The following BRCA2 variants were observed in gnomAD, a reference collection of about 807,000 sequenced individuals.
BRCA2 encodes the protein BRCA2 DNA repair associated, also known as breast cancer type 2 susceptibility protein.
In BRCA2, 203 loss-of-function variants were observed where a neutral mutation model predicts 276.7. That is an observed-to-expected ratio of 0.73 (90% CI 0.65 to 0.82). The LOEUF (loss-of-function observed/expected upper bound fraction) is 0.82, where lower values mean the gene tolerates loss of function less well. BRCA2 is among the 40% of genes least tolerant of loss of function. The probability of loss-of-function intolerance (pLI) is 0.00; values close to 1 mark genes in which losing one functional copy is unlikely to be tolerated. For synonymous variants in BRCA2, 1,289 were observed against 1,338.4 expected (o/e 0.96, Z 0.81); for missense variants, 3,920 against 3,915.0 (o/e 1.00, Z -0.03).
chr13:32,399,578 A>C lies in BRCA2; in HGVS notation c.*808A>C, dbSNP rs1345202503. The C allele has an allele frequency of 5.6e-6, 1 of 179,700 alleles. No homozygotes were observed. Among genetic ancestry groups the C allele is most frequent in the African/African-American group, 2.4e-5 (1 of 42,096 alleles). The allele number at this position is 179,700 out of a possible 1,614,324, so 11.1% of individuals were successfully genotyped here. A position where few individuals can be genotyped will look rare whatever the true frequency, so the allele number is the denominator to read the frequency against. On this transcript the variant is annotated 3_prime_UTR_variant, in exon 27 of 27. Coordinates refer to ENST00000380152, the MANE Select transcript of BRCA2 (RefSeq NM_000059.4). ...ACTAAAAATTCAAATACTTTAAATC[A>C]GAAGATTTCATAGTTAATTTATTTT...
At chr13:32,322,919 C>T (rs1370944951) in intron 3 of BRCA2, among the ~76,000 whole-genome samples, 2 of 152,184 alleles carry the variant, frequency 1.3e-5, no homozygotes, top group African/African-American at 2.4e-5. Context: ...ATTTTCAACT[C>T]ATTTTGGTTC....
intron 2 of BRCA2, among the ~76,000 whole-genome samples, chr13:32,318,351 G>C (rs557619359): frequency 6.6e-6 from 1 of 152,184 alleles, no homozygotes; most frequent in East Asian, 1.9e-4. Flanking sequence ...TTATGTGAGA[G>C]TCCACATGTT....
chr13:32,376,774 G>A lies in BRCA2; in HGVS notation c.8737G>A (p.Asp2913Asn), dbSNP rs144322424. 1 of 1,614,136 alleles carries A rather than the reference G, an allele frequency of 6.2e-7. No homozygotes were observed. The highest frequency in any genetic ancestry group is 1.6e-4 in the Middle Eastern group (1 of 6,062). Reference protein sequence around the residue: ...ELYEAVKNAADPAYLEGYFSE... With the variant: ...ELYEAVKNAANPAYLEGYFSE... Reference sequence around the variant, plus strand: ...TTATGAAGCAGTGAAGAATGCAGCAGACCCAGCTTACCTTGAGGTGAGAGA... The same window carrying A: ...TTATGAAGCAGTGAAGAATGCAGCAAACCCAGCTTACCTTGAGGTGAGAGA... The change falls in exon 21 of 27, where the codon GAC (aspartate) becomes AAC (asparagine). Residue 2913 changes from aspartate (D) to asparagine (N), a missense_variant. Asp to Asn is a conservative substitution (Grantham distance 23, BLOSUM62 1). Coordinates refer to ENST00000380152, the MANE Select transcript of BRCA2 (RefSeq NM_000059.4).
Position 32,344,614 on chromosome 13 carries a change from C to CAAGAAAAA in BRCA2, c.6899_6906dup (p.Ser2303LysfsTer5), listed in dbSNP as rs765231294. 6.3e-7 allele frequency: 1 copy of CAAGAAAAA among 1,583,556 alleles called. No individual in the cohort carries two copies. Among genetic ancestry groups the CAAGAAAAA allele is most frequent in the South Asian group, 1.1e-5 (1 of 90,362 alleles). ...TGAATTTGACAGGATAATAGAAAAT[C>CAAGAAAAA]AAGAAAAATCCTTAAAGGCTTCAAA... On this transcript the variant is annotated frameshift_variant, in exon 12 of 27. Transcript: ENST00000380152. LOFTEE classifies it high-confidence loss of function.
At chr13:32,318,994 T>C in intron 2 of BRCA2, 83 bp from the exon 3 acceptor site, 1 of 1,542,232 alleles carries the variant, frequency 6.5e-7, no homozygotes, top group African/African-American at 1.4e-5. Context: ...TAAGCATTTT[T>C]TTCCTTATGA....
Position 32,339,385 on chromosome 13 carries a change from G to A in BRCA2, c.5030G>A (p.Arg1677Lys), listed in dbSNP as rs375304428. Residue 1677 changes from arginine to lysine, a missense_variant, in exon 11 of 27, where the codon AGA becomes AAA. Coordinates refer to ENST00000380152, the MANE Select transcript of BRCA2 (RefSeq NM_000059.4). ...SALAFYTSCS[R>K]KTSVSQTSLL... ...TTAGCTTTTTACACAAGTTGTAGTA[G>A]AAAAACTTCTGTGAGTCAGACTTCA... 2 of 1,595,172 alleles carry A rather than the reference G, an allele frequency of 1.3e-6. No homozygotes were observed. The highest frequency in any genetic ancestry group is 1.7e-6 in the Non-Finnish European group (2 of 1,172,126).
chr13:32,373,297 G>T (rs1436275201), intron 20 of BRCA2, among the ~76,000 whole-genome samples: 1 of 151,742 alleles, frequency 6.6e-6, no homozygotes, highest in Non-Finnish European at 1.5e-5. Flanking sequence ...CACAAGGTCA[G>T]GAGTTGAAGA....
chr13:32,376,278 T>G (rs1351887045), intron 20 of BRCA2, among the ~76,000 whole-genome samples: 3 of 151,976 alleles, frequency 2.0e-5, no homozygotes, highest in Non-Finnish European at 2.9e-5. Flanking sequence ...ATCCCAACAG[T>G]TTGGGAGTCC....
intron 7 of BRCA2, among the ~76,000 whole-genome samples, chr13:32,329,199 C>G (rs543745319): frequency 1.3e-5 from 2 of 152,188 alleles, no homozygotes; most frequent in African/African-American, 4.8e-5. Context: ...GACAGTATTA[C>G]CATAAAGTAA....
At position 32,356,480 on chromosome 13, in the gene BRCA2, GAAGA is replaced by G; in HGVS notation, c.7491_7494del (p.Lys2497AsnfsTer26). ...GAGATATACAGGATATGCGAATTAA[GAAGA>G]AACAAAGGCAACGCGTCTTTCCACA... On this transcript the variant is annotated frameshift_variant, in exon 15 of 27. Transcript: ENST00000380152. LOFTEE classifies it high-confidence loss of function. 1 of 1,614,174 alleles carries G rather than the reference GAAGA, an allele frequency of 6.2e-7. No individual in the cohort carries two copies. Among genetic ancestry groups the G allele is most frequent in the South Asian group, 1.1e-5 (1 of 91,088 alleles).
At chr13:32,368,503 G>C (rs13378910) in intron 18 of BRCA2, among the ~76,000 whole-genome samples, 1 of 147,118 alleles carries the variant, frequency 6.8e-6, no homozygotes, top group African/African-American at 2.5e-5. Flanking sequence ...TTTCATTTTC[G>C]TTTTTTCTGC....
chr13:32,327,089 C>T lies in BRCA2; in HGVS notation c.631+476C>T, dbSNP rs187850309. 1.7e-3 allele frequency among the ~76,000 whole-genome samples: 266 copies of T among 152,318 alleles called. 2 individuals carry two copies. The highest frequency in any genetic ancestry group is 1.7e-3 in the Non-Finnish European group (119 of 68,028). On this transcript the variant is annotated intron_variant, in intron 7 of 26. Transcript: ENST00000380152. ...CTATGTGATAAACTGCAATATTTAT[C>T]CATTCATTAAACTGTAAACTCTTTG...
chr13:32,344,804 A>G lies in BRCA2; in HGVS notation c.6937+151A>G, dbSNP rs4942439. ...CAAGGACCTCTTTATACTCTTAAAA[A>G]TTACTGAGGACCTAAAAGAGCATTT... On this transcript the variant is annotated intron_variant, in intron 12 of 26. Coordinates refer to ENST00000380152, the MANE Select transcript of BRCA2 (RefSeq NM_000059.4). 0.19 allele frequency: 107,158 copies of G among 579,188 alleles called. 11,119 individuals are homozygous for G. The highest frequency in any genetic ancestry group is 0.25 in the African/African-American group (13,167 of 53,232). 35.9% of individuals were successfully genotyped at this position (579,188 alleles called of 1,614,324 possible).
chr13:32,363,950 T>C (rs1033226947), intron 18 of BRCA2, among the ~76,000 whole-genome samples: 3 of 152,244 alleles, frequency 2.0e-5, no homozygotes, highest in Non-Finnish European at 4.4e-5. Context: ...CTTTGTCATA[T>C]TGAATGGTCT....
chr13:32,323,516 A>G (rs754189163), intron 3 of BRCA2, among the ~76,000 whole-genome samples: 18 of 152,206 alleles, frequency 1.2e-4, no homozygotes, highest in Admixed American at 2.6e-4. Context: ...CTTTAATTAA[A>G]AATCTCATTA....
chr13:32,338,676 G>C lies in BRCA2; in HGVS notation c.4321G>C (p.Glu1441Gln), dbSNP rs876659758. Residue 1441 changes from glutamate to glutamine, a missense_variant, in exon 11 of 27, where the codon GAG (glutamate) becomes CAG (glutamine). This residue lies in a region of BRCA2 where 3,263 missense variants were observed against 3,156.9 expected (regional missense o/e 1.03). Transcript: ENST00000380152. ...ASGKNISVAK[E>Q]SFNKIVNFFD... ...TGGGAAAAATATTAGTGTCGCCAAA[G>C]AGTCATTTAATAAAATTGTAAATTT... 2 of 1,595,580 alleles carry C rather than the reference G, an allele frequency of 1.3e-6. No homozygotes were observed. Among genetic ancestry groups the C allele is most frequent in the Admixed American group, 1.7e-5 (1 of 58,190 alleles).
Position 32,337,015 on chromosome 13 carries a change from A to G in BRCA2, c.2660A>G (p.Glu887Gly), listed in dbSNP as rs587782015. ...PDSEELFSDN[E>G]NNFVFQVANE... ...TCTGAAGAACTTTTCTCAGACAATGAGAATAATTTTGTCTTCCAAGTAGCT... is the reference window on the plus strand; with the variant it reads ...TCTGAAGAACTTTTCTCAGACAATGGGAATAATTTTGTCTTCCAAGTAGCT... Residue 887 changes from glutamate to glycine, a missense_variant, in exon 11 of 27, where the codon GAG becomes GGG. Around this residue, in one of 2 missense-constraint regions of BRCA2, gnomAD observed 3,263 missense variants for 3,156.9 expected, o/e 1.03. Coordinates refer to ENST00000380152, the MANE Select transcript of BRCA2 (RefSeq NM_000059.4). The G allele has an allele frequency of 1.9e-6, 3 of 1,590,234 alleles. No individual in the cohort carries two copies. Among genetic ancestry groups the G allele is most frequent in the Non-Finnish European group, 1.7e-6 (2 of 1,172,358 alleles).
At position 32,332,525 on chromosome 13, in the gene BRCA2, A is replaced by G. The variant is rs2137467127; in HGVS notation, c.1047A>G (p.Lys349=). 1 of 1,611,644 alleles carries G rather than the reference A, an allele frequency of 6.2e-7. No homozygotes were observed. The highest frequency in any genetic ancestry group is 8.5e-7 in the Non-Finnish European group (1 of 1,179,420). The part of the protein sequence containing the change: ...DECEKSKNQV[K]EKYSFVSEVE... The stretch of plus-strand genomic sequence containing the variant: ...GTGAAAAATCTAAAAACCAAGTGAA[A>G]GAAAAATACTCATTTGTATCTGAAG... The change falls in exon 10 of 27, where the codon AAA becomes AAG. Residue 349 remains lysine (K), a synonymous_variant. Transcript: ENST00000380152.
chr13:32,382,112 C>G (rs1180091473), intron 24 of BRCA2, among the ~76,000 whole-genome samples: 1 of 152,128 alleles, frequency 6.6e-6, no homozygotes, highest in Admixed American at 6.5e-5. Flanking sequence ...GGAGTCTTTA[C>G]TACAAATTTT....
Sources: gnomAD v4.1 joint callset for allele counts (sites outside exome capture counted in the v4.1 genomes callset) on GRCh38, gnomAD v4.1.1 for gene constraint, gnomAD v4.1.1 regional missense constraint, MANE v1.5 for transcripts, NCBI Gene and HGNC (gene_info 2026-07-23, HGNC 2026-07-21) for gene names.